Variants in SCRG1 observed in about 807,000 individuals in gnomAD.
SCRG1 encodes the protein scrapie-responsive protein 1.
Under a neutral mutation model 7.7 loss-of-function variants are expected in SCRG1, and 3 were observed. The ratio of observed to expected loss-of-function variants is 0.39; its 90% CI spans 0.18 to 1.01. The LOEUF (loss-of-function observed/expected upper bound fraction) is 1.01, where lower values mean the gene tolerates loss of function less well. SCRG1 is among the 50% of genes least tolerant of loss of function. SCRG1 has a pLI of 0.36. For missense variants in SCRG1, 110 were observed against 117.2 expected (o/e 0.94, Z 0.28); for synonymous variants, 46 against 41.2 (o/e 1.12, Z -0.44).
chr4:173,485,637 C>T, the SCRG1 span, among the ~76,000 whole-genome samples: 3 of 152,056 alleles, frequency 2.0e-5, no homozygotes, highest in African/African-American at 7.2e-5. Context: ...TTATCTGATT[C>T]TCAAAGATTA....
At chr4:173,451,678 ATTTATTT>A in the SCRG1 span, among the ~76,000 whole-genome samples, 317 of 114,354 alleles carry the variant, frequency 2.8e-3, 1 homozygote, top group Middle Eastern at 4.5e-3. Context: ...TTATTTATTT[ATTTATTT>A]TGAGACAGAG....
the SCRG1 span, among the ~76,000 whole-genome samples, chr4:173,435,091 C>G: frequency 6.6e-6 from 1 of 150,916 alleles, no homozygotes; most frequent in African/African-American, 2.5e-5. Context: ...GAATAAAAAT[C>G]TTTTAATTAT....
chr4:173,476,677 C>A, the SCRG1 span, among the ~76,000 whole-genome samples: 89 of 152,030 alleles, frequency 5.9e-4, no homozygotes, highest in African/African-American at 1.9e-3. Flanking sequence ...AAGAAGCCAT[C>A]ACAGCTGGGC....
chr4:173,441,192 G>T, the SCRG1 span, among the ~76,000 whole-genome samples: 2 of 152,122 alleles, frequency 1.3e-5, no homozygotes, highest in African/African-American at 4.8e-5. Flanking sequence ...AGAGAAATAA[G>T]ATGGTTCATC....
the SCRG1 span, among the ~76,000 whole-genome samples, chr4:173,422,764 A>G: frequency 6.6e-6 from 1 of 152,208 alleles, no homozygotes; most frequent in Admixed American, 6.5e-5. Context: ...AAAAAGTTTT[A>G]TCATGACTAT....
At chr4:173,484,942 ATT>A in the SCRG1 span, among the ~76,000 whole-genome samples, 23 of 41,796 alleles carry the variant, frequency 5.5e-4, 4 homozygotes, top group African/African-American at 2.1e-3. Context: ...TATATTATAT[ATT>A]ATATATAATA....
chr4:173,502,567 C>T, the SCRG1 span, among the ~76,000 whole-genome samples: 3 of 152,188 alleles, frequency 2.0e-5, no homozygotes, highest in African/African-American at 7.2e-5. This position sits in a 1 kb window ranked among gnomAD's most constrained non-coding sequence, Gnocchi z 4.6. Flanking sequence ...CCAGGTCCCA[C>T]TTGAATGGTG....
chr4:173,386,909 G>T lies in SCRG1; in HGVS notation c.*1432C>A, dbSNP rs1025419089. On this transcript the variant is annotated 3_prime_UTR_variant, in exon 3 of 3. Coordinates refer to ENST00000296506, the MANE Select transcript of SCRG1 (RefSeq NM_007281.4). Reference sequence around the variant, plus strand: ...CTTAATAATGGCTGGCACTTAGCAGGCTTTGAATACATTTTTATAACATGA... The same window carrying T: ...CTTAATAATGGCTGGCACTTAGCAGTCTTTGAATACATTTTTATAACATGA... 15 of 152,124 alleles carry T rather than the reference G, an allele frequency of 9.9e-5. No homozygotes were observed. Among genetic ancestry groups the T allele is most frequent in the Non-Finnish European group, 1.9e-4 (13 of 68,028 alleles). The allele number at this position is 152,124 out of a possible 1,614,324, so 9.4% of individuals were successfully genotyped here.
the SCRG1 span, among the ~76,000 whole-genome samples, chr4:173,439,321 G>A: frequency 3.9e-5 from 6 of 152,162 alleles, no homozygotes; most frequent in South Asian, 4.1e-4. Context: ...GAGTCCAGGG[G>A]TTTGAGATGA....
chr4:173,413,632 G>T, the SCRG1 span, among the ~76,000 whole-genome samples: 2 of 152,180 alleles, frequency 1.3e-5, no homozygotes, highest in South Asian at 2.1e-4. Context: ...CCAGGTAAAG[G>T]TTCAGGAAAA....
At chr4:173,432,202 C>T in the SCRG1 span, among the ~76,000 whole-genome samples, 1 of 151,058 alleles carries the variant, frequency 6.6e-6, no homozygotes, top group East Asian at 2.0e-4. Context: ...TCCCTCCCTC[C>T]CTCCCTCTTT....
the SCRG1 span, among the ~76,000 whole-genome samples, chr4:173,411,883 G>A: frequency 2.6e-5 from 4 of 152,264 alleles, no homozygotes; most frequent in East Asian, 7.7e-4. Flanking sequence ...ATTAGGTGTG[G>A]TCCCAGGCAT....
At chr4:173,441,821 G>A in the SCRG1 span, among the ~76,000 whole-genome samples, 1 of 152,192 alleles carries the variant, frequency 6.6e-6, no homozygotes, top group South Asian at 2.1e-4. Flanking sequence ...CAAGGCTGCA[G>A]TGAGCTATGA....
chr4:173,398,406 G>C (rs1739664827), intron 1 of SCRG1: 1 of 152,112 alleles, frequency 6.6e-6, no homozygotes, highest in Non-Finnish European at 1.5e-5. Flanking sequence ...TGGAGAAAAG[G>C]ACCAGCATTT....
chr4:173,484,184 T>C, the SCRG1 span, among the ~76,000 whole-genome samples: 1 of 90,170 alleles, frequency 1.1e-5, no homozygotes, highest in African/African-American at 4.7e-5. Context: ...ATATAATATA[T>C]TTTCTATATT....
At chr4:173,472,677 C>A in the SCRG1 span, among the ~76,000 whole-genome samples, 8 of 75,106 alleles carry the variant, frequency 1.1e-4, 1 homozygote, top group Middle Eastern at 0.019. Context: ...GGAGGAATTA[C>A]CTCTTACTTG....
At chr4:173,412,181 C>T in the SCRG1 span, among the ~76,000 whole-genome samples, 1 of 152,136 alleles carries the variant, frequency 6.6e-6, no homozygotes, top group Non-Finnish European at 1.5e-5. Flanking sequence ...TGCATGATGT[C>T]ATTTGGTGGC....
the SCRG1 span, among the ~76,000 whole-genome samples, chr4:173,454,022 G>A: frequency 1.3e-5 from 2 of 151,160 alleles, no homozygotes; most frequent in African/African-American, 4.9e-5. Flanking sequence ...AGGTTGCACT[G>A]AGCCGAGATC....
At chr4:173,442,815 C>A in the SCRG1 span, among the ~76,000 whole-genome samples, 2 of 152,074 alleles carry the variant, frequency 1.3e-5, no homozygotes, top group East Asian at 3.9e-4. Context: ...AGGAGCCCAC[C>A]CCTGAGGTAA....
Sources: gnomAD v4.1 joint callset for allele counts (sites outside exome capture counted in the v4.1 genomes callset) on GRCh38, gnomAD v4.1.1 for gene constraint, Gnocchi (gnomAD v3.1) non-coding constraint, MANE v1.5 for transcripts, NCBI Gene and HGNC (gene_info 2026-07-23, HGNC 2026-07-21) for gene names.